Variants in LPXN observed in about 807,000 individuals in gnomAD.
The protein encoded by LPXN is leupaxin.
In LPXN, 28 loss-of-function variants were observed where a neutral mutation model predicts 45.6. The observed-to-expected ratio is 0.61, with a 90% CI of 0.45 to 0.84. The LOEUF (loss-of-function observed/expected upper bound fraction) is 0.84. Among genes scored for constraint, LPXN ranks in the 40% least tolerant of loss-of-function variants. LPXN has a pLI of 0.00. For synonymous variants in LPXN, 166 were observed against 169.9 expected (o/e 0.98, Z 0.18); for missense variants, 459 against 475.0 (o/e 0.97, Z 0.31).
intron 3 of LPXN, among the ~76,000 whole-genome samples, chr11:58,561,556 C>T (rs1226898103): frequency 6.6e-6 from 1 of 152,184 alleles, no homozygotes; most frequent in East Asian, 1.9e-4. Flanking sequence ...TCTCACAGCT[C>T]GATCAGTCAT....
intron 7 of LPXN, among the ~76,000 whole-genome samples, chr11:58,537,297 G>A (rs2120227814): frequency 6.6e-6 from 1 of 152,324 alleles, no homozygotes; most frequent in Admixed American, 6.5e-5. Context: ...TAAAGAAAAT[G>A]TGGCACATAT....
intron 7 of LPXN, among the ~76,000 whole-genome samples, chr11:58,529,628 A>C (rs1251381862): frequency 6.6e-6 from 1 of 151,904 alleles, no homozygotes; most frequent in African/African-American, 2.4e-5. Context: ...AAAAAAAGTA[A>C]AAAAATTAAA....
intron 3 of LPXN, among the ~76,000 whole-genome samples, chr11:58,559,925 C>A (rs2515346): frequency 0.51 from 77,955 of 151,784 alleles, 20,825 homozygotes; most frequent in East Asian, 0.67. Flanking sequence ...ATTTATAAGC[C>A]CATGTACATA....
chr11:58,559,846 A>T (rs995910003), intron 3 of LPXN, among the ~76,000 whole-genome samples: 21 of 152,220 alleles, frequency 1.4e-4, no homozygotes, highest in African/African-American at 4.6e-4. Flanking sequence ...ACTGTTCTCC[A>T]TCCTGGGCAA....
At chr11:58,540,567 G>A (rs1361027291) in intron 7 of LPXN, among the ~76,000 whole-genome samples, 1 of 152,174 alleles carries the variant, frequency 6.6e-6, no homozygotes, top group African/African-American at 2.4e-5. Flanking sequence ...AAATGTGGAT[G>A]GATGGGTGAA....
chr11:58,572,729 A>C (rs1454125579), intron 1 of LPXN, among the ~76,000 whole-genome samples: 2 of 152,178 alleles, frequency 1.3e-5, no homozygotes, highest in East Asian at 3.9e-4. Flanking sequence ...ATAAATATAT[A>C]TTTATTTTAG....
At chr11:58,542,594 C>T (rs1355054653) in intron 7 of LPXN, among the ~76,000 whole-genome samples, 1 of 151,894 alleles carries the variant, frequency 6.6e-6, no homozygotes, top group Non-Finnish European at 1.5e-5. Context: ...ATTGTTAATA[C>T]ATTTAGTTGT....
Position 58,553,361 on chromosome 11 carries a change from G to T in LPXN, c.318+1480C>A, listed in dbSNP as rs569315457. Among the ~76,000 whole-genome samples the T allele has an allele frequency of 1.9e-4, 29 of 150,090 alleles. No individual in the cohort carries two copies. The East Asian group carries it at 5.1e-3, about 26-fold the overall frequency. On this transcript the variant is annotated intron_variant, in intron 4 of 8. Coordinates refer to ENST00000395074, the MANE Select transcript of LPXN (RefSeq NM_004811.3). ...AAAAAAAAAAAAAAAAAAAAAGATG[G>T]TGTTGTAAATTAAAAATTTAAATCA...
chr11:58,560,662 TATA>T (rs1184409169), intron 3 of LPXN, among the ~76,000 whole-genome samples: 3 of 152,222 alleles, frequency 2.0e-5, no homozygotes, highest in African/African-American at 7.2e-5. Context: ...TTAAATCTTT[TATA>T]ATAACAACCT....
At chr11:58,570,325 A>T (rs1441128683) in intron 2 of LPXN, among the ~76,000 whole-genome samples, 2 of 151,472 alleles carry the variant, frequency 1.3e-5, no homozygotes, top group Admixed American at 6.6e-5. Context: ...AAAAATAAAA[A>T]AAATAAAAAA....
chr11:58,575,459 C>T (rs1163687954), intron 1 of LPXN, among the ~76,000 whole-genome samples: 4 of 152,142 alleles, frequency 2.6e-5, no homozygotes, highest in Non-Finnish European at 4.4e-5. Flanking sequence ...AAGGGCAAAA[C>T]GCCCATAACA....
chr11:58,566,958 G>T (rs1364907999), intron 2 of LPXN, among the ~76,000 whole-genome samples: 1 of 152,024 alleles, frequency 6.6e-6, no homozygotes, highest in Non-Finnish European at 1.5e-5. Context: ...TTCAATATCA[G>T]CTTCTGTCAG....
chr11:58,557,388 A>G (rs1449894329), intron 3 of LPXN, among the ~76,000 whole-genome samples: 1 of 152,212 alleles, frequency 6.6e-6, no homozygotes, highest in Non-Finnish European at 1.5e-5. Flanking sequence ...GCCTTAAAAA[A>G]AGGAGATTCT....
At chr11:58,577,322 TACTC>T (rs370621523), upstream of LPXN, among the ~76,000 whole-genome samples, 49 of 152,292 alleles carry the variant, frequency 3.2e-4, no homozygotes, top group African/African-American at 8.7e-4. Context: ...AAATGGAAAA[TACTC>T]AGTAGAGAAT....
At chr11:58,541,363 T>C (rs11229518) in intron 7 of LPXN, among the ~76,000 whole-genome samples, 78,210 of 151,806 alleles carry the variant, frequency 0.52, 20,968 homozygotes, top group East Asian at 0.67. Flanking sequence ...AACAACCCCA[T>C]CAAAAAGTGG....
chr11:58,543,550 G>C (rs1853791868), intron 7 of LPXN, among the ~76,000 whole-genome samples: 2 of 152,236 alleles, frequency 1.3e-5, no homozygotes, highest in African/African-American at 4.8e-5. Flanking sequence ...GATTTTTTCA[G>C]AGCAAACTTC....
chr11:58,565,198 C>T (rs1854492364), intron 2 of LPXN, among the ~76,000 whole-genome samples: 1 of 151,564 alleles, frequency 6.6e-6, no homozygotes, highest in Non-Finnish European at 1.5e-5. Context: ...GTACTTTGGG[C>T]AGCCGAGGCA....
chr11:58,532,077 A>T (rs1327156944), intron 7 of LPXN, among the ~76,000 whole-genome samples: 1 of 152,254 alleles, frequency 6.6e-6, no homozygotes, highest in Non-Finnish European at 1.5e-5. Context: ...AGGCAGTGAG[A>T]GGATTAGCAA....
At chr11:58,536,853 G>A (rs185494685) in intron 7 of LPXN, among the ~76,000 whole-genome samples, 18 of 151,074 alleles carry the variant, frequency 1.2e-4, no homozygotes, top group African/African-American at 3.9e-4. Flanking sequence ...TGAAGGATAT[G>A]AACACACACT....
Sources: allele counts gnomAD v4.1 joint callset (sites outside exome capture counted in the v4.1 genomes callset), GRCh38; gene constraint gnomAD v4.1.1; transcripts MANE v1.5; gene names NCBI Gene and HGNC (gene_info 2026-07-23, HGNC 2026-07-21).